Variants in PRKAR1B observed in about 807,000 individuals in gnomAD.
PRKAR1B encodes the protein cAMP-dependent protein kinase type I-beta regulatory subunit.
A neutral mutation model predicts 46.5 loss-of-function variants in PRKAR1B; 22 were observed. The observed-to-expected ratio is 0.47, with a 90% CI of 0.34 to 0.68. The LOEUF (loss-of-function observed/expected upper bound fraction) is 0.68. Ranked by LOEUF, PRKAR1B falls within the 30% of genes least tolerant of loss-of-function variation. The pLI is 0.01. For missense variants in PRKAR1B, 445 were observed against 535.6 expected (o/e 0.83, Z 1.67); for synonymous variants, 259 against 217.7 (o/e 1.19, Z -1.67).
chr7:647,840 C>T (rs1385207158), intron 4 of PRKAR1B, among the ~76,000 whole-genome samples: 1 of 147,876 alleles, frequency 6.8e-6, no homozygotes, highest in Non-Finnish European at 1.5e-5. Flanking sequence ...AACCTCCTCG[C>T]ATGTTGTTTT....
intron 6 of PRKAR1B, among the ~76,000 whole-genome samples, chr7:597,786 C>T (rs1176997304): frequency 6.6e-6 from 1 of 152,330 alleles, no homozygotes; most frequent in East Asian, 1.9e-4. Context: ...CTGGAGAGGG[C>T]CTGCAATGGC....
At chr7:668,853 C>T (rs188245536) in intron 4 of PRKAR1B, among the ~76,000 whole-genome samples, 42 of 152,246 alleles carry the variant, frequency 2.8e-4, no homozygotes, top group African/African-American at 9.9e-4. Context: ...TTAGCTGAAA[C>T]GCAGTTGCCA....
chr7:585,877 C>A (rs1015141564), intron 7 of PRKAR1B, among the ~76,000 whole-genome samples: 1 of 151,814 alleles, frequency 6.6e-6, no homozygotes, highest in Non-Finnish European at 1.5e-5. Flanking sequence ...TATTTTACCC[C>A]TTCCTGACAT....
At chr7:611,289 C>T (rs900077309) in intron 4 of PRKAR1B, among the ~76,000 whole-genome samples, 2 of 152,240 alleles carry the variant, frequency 1.3e-5, no homozygotes, top group Admixed American at 6.5e-5. Flanking sequence ...CTCTCTCCAT[C>T]TGTGCCCTGG....
chr7:664,938 G>A (rs371983146), intron 4 of PRKAR1B, among the ~76,000 whole-genome samples: 6 of 151,996 alleles, frequency 3.9e-5, no homozygotes, highest in African/African-American at 9.7e-5. Context: ...AAAAATCTCA[G>A]GGCACCAAAC....
intron 1 of PRKAR1B, 125 bp downstream of exon 1, chr7:727,085 C>T: frequency 4.8e-6 from 5 of 1,048,216 alleles, no homozygotes; most frequent in Non-Finnish European, 5.7e-6. Flanking sequence ...CCCGCGCTCG[C>T]CGCGCGCTTG....
chr7:610,583 C>T (rs992805595), intron 4 of PRKAR1B, among the ~76,000 whole-genome samples: 6 of 152,212 alleles, frequency 3.9e-5, no homozygotes, highest in Non-Finnish European at 8.8e-5. Flanking sequence ...ATGTCACCAG[C>T]TCATCGCCGA....
intron 6 of PRKAR1B, 122 bp from the exon 7 acceptor site, chr7:596,426 C>G (rs1048231600): frequency 8.1e-7 from 1 of 1,231,886 alleles, no homozygotes; most frequent in African/African-American, 1.5e-5. Context: ...GGGGCACAAG[C>G]CCTTTCGCTT....
In PRKAR1B at chr7:576,996, T is replaced by C. The variant is rs568968571; in HGVS notation, c.891+2260A>G. Among the ~76,000 whole-genome samples, 92 of 148,334 alleles carry C rather than the reference T, an allele frequency of 6.2e-4. No homozygotes were observed. The South Asian group carries it at 0.01, about 16-fold the overall frequency. On this transcript the variant is annotated intron_variant, in intron 9 of 10. Transcript: ENST00000537384. ...GCCTCGTCCAACGCCATCAGCGGCC[T>C]CATCCAACTCCATCAGTCGCCTCAC...
chr7:684,091 C>T (rs529779966), intron 2 of PRKAR1B, among the ~76,000 whole-genome samples: 8 of 152,120 alleles, frequency 5.3e-5, no homozygotes, highest in Non-Finnish European at 7.4e-5. Flanking sequence ...TGCTCCAATG[C>T]CCACCTCCAC....
At chr7:674,570 G>C (rs1253153277) in intron 4 of PRKAR1B, among the ~76,000 whole-genome samples, 1 of 150,782 alleles carries the variant, frequency 6.6e-6, no homozygotes, top group Non-Finnish European at 1.5e-5. Context: ...AGCTACTCTG[G>C]CCACATCTAG....
In PRKAR1B at chr7:555,363, C is replaced by T. The variant is rs570685275; in HGVS notation, c.892-3893G>A. Among the ~76,000 whole-genome samples, 8 of 152,278 alleles carry T rather than the reference C, an allele frequency of 5.3e-5. No homozygotes were observed. In the East Asian group the frequency reaches 7.7e-4, roughly 15 times the overall value. On this transcript the variant is annotated intron_variant, in intron 9 of 10. Transcript: ENST00000537384. ...TGTCTGGATGCAAGAGCACACTGGC[C>T]GTGCTCGGTGGTCTCTGGAATCCGG... is the stretch of plus-strand genomic sequence containing the variant.
intron 4 of PRKAR1B, among the ~76,000 whole-genome samples, chr7:646,327 A>G (rs1330350478): frequency 6.6e-6 from 1 of 152,244 alleles, no homozygotes; most frequent in African/African-American, 2.4e-5. Context: ...TACAGGCGTG[A>G]GCCACCGCGC....
chr7:588,462 G>GTGGTGA (rs1780729409), intron 7 of PRKAR1B, among the ~76,000 whole-genome samples: 2 of 151,418 alleles, frequency 1.3e-5, no homozygotes, highest in African/African-American at 4.8e-5. Flanking sequence ...GATGGTGATG[G>GTGGTGA]TGGTGATGGT....
At chr7:572,270 C>A (rs1779563903) in intron 9 of PRKAR1B, among the ~76,000 whole-genome samples, 1 of 152,206 alleles carries the variant, frequency 6.6e-6, no homozygotes, top group African/African-American at 2.4e-5. Flanking sequence ...AGTGACCGCT[C>A]CAGTCTGCTG....
chr7:679,395 A>G (rs1778529558), intron 3 of PRKAR1B, among the ~76,000 whole-genome samples: 1 of 152,232 alleles, frequency 6.6e-6, no homozygotes, highest in Non-Finnish European at 1.5e-5. Flanking sequence ...CTGGTCAGGC[A>G]TTCTGCGGAG....
chr7:641,366 C>G (rs377063352), intron 4 of PRKAR1B, among the ~76,000 whole-genome samples: 2 of 152,200 alleles, frequency 1.3e-5, no homozygotes, highest in Admixed American at 1.3e-4. Context: ...CTGTTCACGC[C>G]GTATTGTTCA....
chr7:713,536 C>G (rs1416248775), intron 1 of PRKAR1B, among the ~76,000 whole-genome samples: 3 of 152,124 alleles, frequency 2.0e-5, no homozygotes, highest in Non-Finnish European at 2.9e-5. Flanking sequence ...CCATCTCCCA[C>G]TCAGCCCTCC....
intron 9 of PRKAR1B, among the ~76,000 whole-genome samples, chr7:552,226 ACGT>A: frequency 3.4e-5 from 3 of 89,382 alleles, no homozygotes; most frequent in African/African-American, 1.0e-4. Context: ...TGCCACCACC[ACGT>A]CACCACCCAA....
Sources: allele counts gnomAD v4.1 joint callset (sites outside exome capture counted in the v4.1 genomes callset), GRCh38; gene constraint gnomAD v4.1.1; transcripts MANE v1.5; gene names NCBI Gene and HGNC (gene_info 2026-07-23, HGNC 2026-07-21).